The following DTNB variants were observed in gnomAD, a reference collection of about 807,000 sequenced individuals.
DTNB encodes the protein dystrobrevin beta.
In DTNB, 63 loss-of-function variants were observed where a neutral mutation model predicts 90.7. The ratio of observed to expected loss-of-function variants is 0.69; its 90% confidence interval spans 0.57 to 0.86. The LOEUF (loss-of-function observed/expected upper bound fraction) is 0.86, where lower values mean the gene tolerates loss of function less well. Among genes scored for constraint, DTNB ranks in the 40% least tolerant of loss-of-function variants. DTNB has a pLI of 0.00. For synonymous variants in DTNB, 277 were observed against 286.7 expected (o/e 0.97, Z 0.34); for missense variants, 744 against 807.1 (o/e 0.92, Z 0.95).
intron 4 of DTNB, among the ~76,000 whole-genome samples, chr2:25,622,631 T>C (rs2073059258): frequency 6.6e-6 from 1 of 152,106 alleles, no homozygotes; most frequent in Non-Finnish European, 1.5e-5. Flanking sequence ...ATCCCATGCT[T>C]GAAAGGACTA....
At chr2:25,492,030 C>G (rs1247133012) in intron 9 of DTNB, among the ~76,000 whole-genome samples, 2 of 152,032 alleles carry the variant, frequency 1.3e-5, no homozygotes, top group African/African-American at 4.8e-5. Context: ...TTCGAGTGTA[C>G]TGTCTACTAT....
chr2:25,655,369 C>T (rs1336052216), intron 1 of DTNB, among the ~76,000 whole-genome samples: 1 of 152,196 alleles, frequency 6.6e-6, no homozygotes, highest in African/African-American at 2.4e-5. Flanking sequence ...TGCTTCTAGG[C>T]TAACAACCAG....
chr2:25,549,681 T>G (rs560334830), intron 8 of DTNB, among the ~76,000 whole-genome samples: 1 of 152,242 alleles, frequency 6.6e-6, no homozygotes, highest in South Asian at 2.1e-4. Context: ...TTGGATCCCA[T>G]TATTACCTTC....
At chr2:25,472,154 A>G (rs1469522023) in intron 10 of DTNB, among the ~76,000 whole-genome samples, 1 of 152,222 alleles carries the variant, frequency 6.6e-6, no homozygotes, top group East Asian at 1.9e-4. Context: ...ACACCCTCAA[A>G]GAGCTTGTAG....
chr2:25,626,415 A>G (rs2074165124), intron 4 of DTNB, among the ~76,000 whole-genome samples: 1 of 152,182 alleles, frequency 6.6e-6, no homozygotes, highest in Non-Finnish European at 1.5e-5. Context: ...TAAAATTACT[A>G]AAAAATGGCA....
At chr2:25,546,629 C>T (rs2082482064) in intron 8 of DTNB, among the ~76,000 whole-genome samples, 1 of 152,194 alleles carries the variant, frequency 6.6e-6, no homozygotes, top group Non-Finnish European at 1.5e-5. Flanking sequence ...CTGATAGACC[C>T]CTGGAACACC....
chr2:25,461,337 T>G (rs1339247948), intron 10 of DTNB, among the ~76,000 whole-genome samples: 2 of 152,224 alleles, frequency 1.3e-5, no homozygotes, highest in African/African-American at 4.8e-5. Flanking sequence ...TTGTTTGGGG[T>G]GTGGGGTGTA....
chr2:25,412,152 C>T (rs2046775795), intron 16 of DTNB, among the ~76,000 whole-genome samples: 1 of 152,058 alleles, frequency 6.6e-6, no homozygotes, highest in African/African-American at 2.4e-5. Context: ...TTATGTGAGC[C>T]CTTGTGGGTC....
intron 12 of DTNB, among the ~76,000 whole-genome samples, chr2:25,444,027 AGGTAGCAT>A (rs1463123513): frequency 6.6e-6 from 1 of 152,140 alleles, no homozygotes; most frequent in African/African-American, 2.4e-5. Context: ...TTTAAGTGTG[AGGTAGCAT>A]GACAATGGGT....
chr2:25,578,313 T>G (rs1339198388), intron 7 of DTNB, among the ~76,000 whole-genome samples: 2 of 152,226 alleles, frequency 1.3e-5, no homozygotes, highest in Admixed American at 6.5e-5. Context: ...GGTATTTCTA[T>G]GGAATGCTGG....
intron 16 of DTNB, among the ~76,000 whole-genome samples, chr2:25,413,527 GT>G (rs1471373585): frequency 6.7e-6 from 1 of 149,334 alleles, no homozygotes; most frequent in African/African-American, 2.5e-5. Flanking sequence ...TTGGTTTTTT[GT>G]TCTTGCGATA....
At position 25,469,003 on chromosome 2, in the gene DTNB, G is replaced by A. The variant is rs552934113; in HGVS notation, c.1080-13509C>T. On this transcript the variant is annotated intron_variant, in intron 10 of 20. Coordinates refer to ENST00000406818, the MANE Select transcript of DTNB (RefSeq NM_021907.5). ...CAATATATTTACCGAGTATCTATGT[G>A]CCAGATCTACATCAGTACTGGAACT... 2.5e-4 allele frequency among the ~76,000 whole-genome samples: 38 copies of A among 151,990 alleles called. 1 individual carries two copies. In the South Asian group the frequency reaches 7.5e-3, roughly 30 times the overall value.
intron 12 of DTNB, among the ~76,000 whole-genome samples, chr2:25,443,286 G>A (rs1402216046): frequency 6.6e-6 from 1 of 152,148 alleles, no homozygotes; most frequent in Non-Finnish European, 1.5e-5. Flanking sequence ...TTTAGTCCTT[G>A]GAAGGACAAG....
intron 10 of DTNB, among the ~76,000 whole-genome samples, chr2:25,463,360 G>A (rs1414913837): frequency 1.3e-5 from 2 of 152,218 alleles, no homozygotes; most frequent in East Asian, 3.9e-4. Flanking sequence ...CTCCACTGCC[G>A]CCATGACTTC....
At chr2:25,574,232 G>C (rs2060317470) in intron 8 of DTNB, among the ~76,000 whole-genome samples, 1 of 152,222 alleles carries the variant, frequency 6.6e-6, no homozygotes, top group South Asian at 2.1e-4. Flanking sequence ...CAGGGCAGGA[G>C]TCTTTGTCCG....
At chr2:25,516,399 A>G (rs902237434) in intron 9 of DTNB, among the ~76,000 whole-genome samples, 5 of 151,774 alleles carry the variant, frequency 3.3e-5, no homozygotes, top group African/African-American at 7.3e-5. Context: ...GGCATGCATC[A>G]CCCCACCCCG....
intron 9 of DTNB, among the ~76,000 whole-genome samples, chr2:25,518,000 G>C (rs1319378554): frequency 2.0e-5 from 3 of 152,108 alleles, no homozygotes; most frequent in African/African-American, 7.2e-5. Context: ...ACTCACATGA[G>C]GTATGTAAAG....
At position 25,526,383 on chromosome 2, in the gene DTNB, ATATATATATATATTT is replaced by A. The variant is rs1175186214; in HGVS notation, c.1001+5075_1001+5089del. Among the ~76,000 whole-genome samples, 158 of 53,110 alleles carry A rather than the reference ATATATATATATATTT, an allele frequency of 3.0e-3. 2 individuals carry two copies. The highest frequency in any genetic ancestry group is 0.015 in the African/African-American group (136 of 9,106). The allele number at this position is 53,110 out of a possible 152,430, so 34.8% of individuals were successfully genotyped here. A position where few individuals can be genotyped will look rare whatever the true frequency, so the allele number is the denominator to read the frequency against. On this transcript the variant is annotated intron_variant, in intron 9 of 20. Coordinates refer to ENST00000406818, the MANE Select transcript of DTNB (RefSeq NM_021907.5). ...TATAAATATATATATATATATATAT[ATATATATATATATTT>A]TTTTTTTTTTAATTGAGACAGAGTT... is the stretch of plus-strand genomic sequence containing the variant.
intron 4 of DTNB, among the ~76,000 whole-genome samples, chr2:25,617,202 C>T (rs1163475925): frequency 1.3e-5 from 2 of 152,034 alleles, no homozygotes; most frequent in Non-Finnish European, 2.9e-5. Context: ...GGGATATGCA[C>T]CAAAGTGTCA....
Sources: gnomAD v4.1 joint callset for allele counts (sites outside exome capture counted in the v4.1 genomes callset) on GRCh38, gnomAD v4.1.1 for gene constraint, MANE v1.5 for transcripts, NCBI Gene and HGNC (gene_info 2026-07-23, HGNC 2026-07-21) for gene names.